The following CRISPLD2 variants were observed in gnomAD, a reference collection of about 807,000 sequenced individuals.
CRISPLD2 encodes the protein cysteine-rich secretory protein LCCL domain-containing 2.
A neutral mutation model predicts 71.1 loss-of-function variants in CRISPLD2; 47 were observed. That is an observed-to-expected ratio of 0.66 (90% CI 0.52 to 0.84). The LOEUF is 0.84. Among genes scored for constraint, CRISPLD2 ranks in the 40% least tolerant of loss-of-function variants. The pLI is 0.00. For missense variants in CRISPLD2, 830 were observed against 651.1 expected, an observed-to-expected ratio of 1.27 and a Z score of -2.99; for synonymous variants, 317 against 250.1, an observed-to-expected ratio of 1.27 and a Z score of -2.52.
chr16:84,902,767 C>G (rs1336014155), intron 14 of CRISPLD2, among the ~76,000 whole-genome samples: 2 of 127,688 alleles, frequency 1.6e-5, no homozygotes, highest in African/African-American at 6.6e-5. Flanking sequence ...AAAATCGGCC[C>G]ATTGCTTTTT....
In CRISPLD2 at chr16:84,892,781, G is replaced by A. The variant is rs188248961; in HGVS notation, c.1439+3418G>A. 3.6e-3 allele frequency among the ~76,000 whole-genome samples: 544 copies of A among 152,086 alleles called. 1 individual carries two copies. Among genetic ancestry groups the A allele is most frequent in the African/African-American group, 0.013 (521 of 41,482 alleles). On this transcript the variant is annotated intron_variant, in intron 14 of 14. Coordinates refer to ENST00000262424, the MANE Select transcript of CRISPLD2 (RefSeq NM_031476.4). ...ACTTGAGGTCAGGAGTTCGAGACCA[G>A]CCTGACCAACATGGTGAAGCCCCGT...
intron 14 of CRISPLD2, among the ~76,000 whole-genome samples, chr16:84,894,641 T>G (rs1051130681): frequency 2.0e-5 from 3 of 152,094 alleles, no homozygotes; most frequent in African/African-American, 7.2e-5. Context: ...GAAGAAGTAA[T>G]GGAAGGGAAA....
intron 14 of CRISPLD2, among the ~76,000 whole-genome samples, chr16:84,892,294 T>C (rs2071669613): frequency 6.6e-6 from 1 of 152,210 alleles, no homozygotes; most frequent in Non-Finnish European, 1.5e-5. Context: ...GAGCAGGTCC[T>C]CGGGGGCATC....
At chr16:84,901,758 G>A (rs1480592426) in intron 14 of CRISPLD2, among the ~76,000 whole-genome samples, 21 of 142,602 alleles carry the variant, frequency 1.5e-4, no homozygotes, top group South Asian at 1.3e-3. Flanking sequence ...GATTATAGGC[G>A]TGAGCCACTG....
chr16:84,849,351 G>A (rs748762552), intron 3 of CRISPLD2, 34 bp from the exon 4 acceptor site: 17 of 1,598,676 alleles, frequency 1.1e-5, no homozygotes, highest in Middle Eastern at 1.7e-4. Context: ...TGAGGGGAGG[G>A]GCTGGGACTG....
At chr16:84,855,364 G>A (rs1013790386) in intron 6 of CRISPLD2, among the ~76,000 whole-genome samples, 3 of 152,164 alleles carry the variant, frequency 2.0e-5, no homozygotes, top group Admixed American at 6.5e-5. Flanking sequence ...TGCAAGTTGA[G>A]GAACAAGAAA....
At chr16:84,883,306 A>G (rs958318807) in intron 13 of CRISPLD2, among the ~76,000 whole-genome samples, 11 of 152,172 alleles carry the variant, frequency 7.2e-5, no homozygotes, top group African/African-American at 2.7e-4. Context: ...CAGACCTTCA[A>G]AGGGCCTGTT....
chr16:84,905,828 G>C (rs555290654), intron 14 of CRISPLD2, among the ~76,000 whole-genome samples: 1 of 150,604 alleles, frequency 6.6e-6, no homozygotes, highest in African/African-American at 2.4e-5. Context: ...TTCTGCCTCA[G>C]CCTCCCGAGT....
intron 13 of CRISPLD2, among the ~76,000 whole-genome samples, chr16:84,883,367 C>T (rs1023997999): frequency 3.3e-5 from 5 of 152,222 alleles, no homozygotes; most frequent in Admixed American, 2.6e-4. Flanking sequence ...CTGGCAGACC[C>T]CTCGCTGTGT....
At chr16:84,890,781 G>C (rs772307393) in intron 14 of CRISPLD2, among the ~76,000 whole-genome samples, 7 of 152,010 alleles carry the variant, frequency 4.6e-5, no homozygotes, top group Non-Finnish European at 1.0e-4. Flanking sequence ...GGCAACAAGA[G>C]CAAAACTCTG....
chr16:84,865,194 C>T (rs1917501580), intron 6 of CRISPLD2, among the ~76,000 whole-genome samples: 2 of 148,636 alleles, frequency 1.3e-5, no homozygotes, highest in Non-Finnish European at 3.0e-5. Flanking sequence ...TTCGCTCTGT[C>T]GCCCAGGCTG....
intron 9 of CRISPLD2, 42 bp from the exon 10 acceptor site, chr16:84,872,950 G>A: frequency 6.4e-7 from 1 of 1,573,550 alleles, no homozygotes; most frequent in Non-Finnish European, 8.6e-7. Context: ...TGCTGACAGA[G>A]GTTGAGAATG....
chr16:84,873,964 G>A lies in CRISPLD2; in HGVS notation c.1156+1G>A, dbSNP rs766920169. ...TCATTCATGGTGTCAAAAGTGAAAG[G>A]TAAGCTAGCCAGTCTCTTTTGCGAC... is the stretch of plus-strand genomic sequence containing the variant. On this transcript the variant is annotated splice_donor_variant, in intron 11 of 14. Transcript: ENST00000262424. LOFTEE classifies it high-confidence loss of function. 6 of 1,600,002 alleles carry A rather than the reference G, an allele frequency of 3.8e-6. No individual in the cohort carries two copies. The Admixed American group carries it at 1.1e-4, about 28-fold the overall frequency.
intron 12 of CRISPLD2, among the ~76,000 whole-genome samples, chr16:84,878,536 G>C (rs868716890): frequency 2.6e-5 from 4 of 152,224 alleles, no homozygotes; most frequent in African/African-American, 9.6e-5. Flanking sequence ...TCCTCATGCA[G>C]CATTCCATTC....
intron 3 of CRISPLD2, chr16:84,846,194 C>G: frequency 3.7e-6 from 1 of 272,492 alleles, no homozygotes; most frequent in Non-Finnish European, 7.0e-6. Flanking sequence ...TTCCTTCCTT[C>G]CTTCCTCCCT....
chr16:84,880,416 A>G (rs1263649427), intron 12 of CRISPLD2, 93 bp from the exon 13 acceptor site: 21 of 974,674 alleles, frequency 2.2e-5, no homozygotes, highest in Admixed American at 1.1e-4. Flanking sequence ...TCATCTACGA[A>G]CTTAAATCTT....
chr16:84,857,713 A>G (rs544458898), intron 6 of CRISPLD2, among the ~76,000 whole-genome samples: 2 of 152,184 alleles, frequency 1.3e-5, no homozygotes, highest in African/African-American at 2.4e-5. Context: ...ACCAGGCCCT[A>G]GTCTTTTTTC....
chr16:84,838,863 G>C, intron 2 of CRISPLD2, 128 bp downstream of exon 2: 4 of 1,178,058 alleles, frequency 3.4e-6, no homozygotes, highest in Non-Finnish European at 4.9e-6. Context: ...GTCTCCTCTG[G>C]CAGGGGAGGA....
At chr16:84,864,908 G>A (rs1344486089) in intron 6 of CRISPLD2, among the ~76,000 whole-genome samples, 2 of 152,148 alleles carry the variant, frequency 1.3e-5, no homozygotes, top group South Asian at 2.1e-4. Context: ...ACTTAAACCC[G>A]TCCCTTCCCC....
Sources: allele counts gnomAD v4.1 joint callset (sites outside exome capture counted in the v4.1 genomes callset), GRCh38; gene constraint gnomAD v4.1.1; transcripts MANE v1.5; gene names NCBI Gene and HGNC (gene_info 2026-07-23, HGNC 2026-07-21).